GSE1: variants seen among roughly 807,000 people sequenced by gnomAD.
GSE1 encodes genetic suppressor element 1.
GSE1 carries 32 observed loss-of-function variants against 112.6 expected under a neutral mutation model. The observed-to-expected ratio is 0.28, with a 90% CI of 0.21 to 0.38. The LOEUF (loss-of-function observed/expected upper bound fraction) is 0.38. Ranked by LOEUF, GSE1 falls within the 10% of genes least tolerant of loss-of-function variation. The pLI, the probability that GSE1 is intolerant of heterozygous loss-of-function variation, is 1.00. For synonymous variants in GSE1, 1,115 were observed against 735.6 expected (o/e 1.52, Z -8.35); for missense variants, 2,348 against 1,699.2 (o/e 1.38, Z -6.71).
At chr16:85,308,605 C>T (rs1357075750) in intron 1 of GSE1, among the ~76,000 whole-genome samples, 1 of 152,008 alleles carries the variant, frequency 6.6e-6, no homozygotes, top group Non-Finnish European at 1.5e-5. Context: ...TAAAACTGAC[C>T]CCAGAAAGAT....
At chr16:85,665,407 C>A (rs978289367) in intron 12 of GSE1, among the ~76,000 whole-genome samples, 1 of 152,222 alleles carries the variant, frequency 6.6e-6, no homozygotes, top group Non-Finnish European at 1.5e-5. Flanking sequence ...CCTTCAGTTA[C>A]GGCACAGAGG....
At chr16:85,462,125 A>C (rs1215943696) in intron 2 of GSE1, among the ~76,000 whole-genome samples, 1 of 152,118 alleles carries the variant, frequency 6.6e-6, no homozygotes, top group Non-Finnish European at 1.5e-5. Context: ...CACCGGAGCT[A>C]CACACACCCT....
At chr16:85,514,426 TCC>T (rs576261000) in intron 2 of GSE1, among the ~76,000 whole-genome samples, 5,968 of 58,956 alleles carry the variant, frequency 0.1, 532 homozygotes, top group South Asian at 0.17. Context: ...TGCTCTCGAG[TCC>T]CCCCCCCCAC....
At chr16:85,356,573 A>T (rs1440305395) in intron 1 of GSE1, among the ~76,000 whole-genome samples, 1 of 152,246 alleles carries the variant, frequency 6.6e-6, no homozygotes, top group East Asian at 1.9e-4. Context: ...CAGGACGTGC[A>T]CCAAACCAGG....
At position 85,250,713 on chromosome 16, in the gene GSE1, A is replaced by T. The variant is rs1906376499; in HGVS notation, c.2283+78906A>T. Among the ~76,000 whole-genome samples, 4 of 152,292 alleles carry T rather than the reference A, an allele frequency of 2.6e-5. No homozygotes were observed. In the South Asian group the frequency reaches 8.3e-4, roughly 32 times the overall value. On this transcript the variant is annotated intron_variant, in intron 1 of 2. Transcript: ENST00000637419. ...TGCAAGCCACTGATTTAAAGTGTAG[A>T]GTTTAGTGGTTTTGAGGATATTCAC...
chr16:85,565,517 C>T (rs1449145345), intron 1 of GSE1, among the ~76,000 whole-genome samples: 1 of 152,214 alleles, frequency 6.6e-6, no homozygotes, highest in African/African-American at 2.4e-5. Context: ...AGAGCTGCAT[C>T]CTCGTGCAGT....
intron 1 of GSE1, among the ~76,000 whole-genome samples, chr16:85,281,044 A>G (rs959974045): frequency 1.3e-5 from 2 of 152,130 alleles, no homozygotes; most frequent in Non-Finnish European, 2.9e-5. Context: ...GAAGTTTGAG[A>G]TGAACGGCTC....
At chr16:85,207,553 C>T (rs1273095117) in intron 1 of GSE1, among the ~76,000 whole-genome samples, 1 of 84,908 alleles carries the variant, frequency 1.2e-5, no homozygotes, top group Non-Finnish European at 2.5e-5. Flanking sequence ...GCCCCAGCGG[C>T]AGGAGATCTT....
In GSE1 at chr16:85,656,428, A is replaced by C. The variant is rs778902148; in HGVS notation, c.1075A>C (p.Lys359Gln). Residue 359 changes from lysine (K) to glutamine (Q), a missense_variant, in exon 7 of 16, where the codon AAG becomes CAG. Physicochemically the swap from Lys to Gln is moderately conservative, Grantham distance 53 (BLOSUM62 1). Coordinates refer to ENST00000253458, the MANE Select transcript of GSE1 (RefSeq NM_014615.5). ...REREADREREKEREREREKER... is the reference protein window; with the variant it reads ...REREADREREQEREREREKER... The stretch of plus-strand genomic sequence containing the variant: ...GCGTGAGGCTGACCGCGAGCGGGAG[A>C]AGGAACGTGAGCGCGAACGCGAGAA... 6.4e-7 allele frequency: 1 copy of C among 1,566,470 alleles called. No individual in the cohort carries two copies. The highest frequency in any genetic ancestry group is 1.1e-5 in the South Asian group (1 of 87,116).
At chr16:85,527,112 C>T (rs944556055) in intron 2 of GSE1, among the ~76,000 whole-genome samples, 8 of 152,316 alleles carry the variant, frequency 5.3e-5, no homozygotes, top group Admixed American at 2.6e-4. Flanking sequence ...TGCGCCCCAC[C>T]TCCTCTGTCT....
chr16:85,632,432 C>A (rs2049617687), intron 1 of GSE1, among the ~76,000 whole-genome samples: 1 of 152,218 alleles, frequency 6.6e-6, no homozygotes, highest in Non-Finnish European at 1.5e-5. Flanking sequence ...TACGTCCCCT[C>A]TATCAGGAGA....
At chr16:85,642,096 C>A (rs1209580172) in intron 2 of GSE1, among the ~76,000 whole-genome samples, 1 of 152,254 alleles carries the variant, frequency 6.6e-6, no homozygotes, top group Non-Finnish European at 1.5e-5. Context: ...GCTCCAGAGT[C>A]ATGGCACGTG....
intron 2 of GSE1, among the ~76,000 whole-genome samples, chr16:85,395,886 C>T (rs568285478): frequency 3.3e-5 from 5 of 152,014 alleles, no homozygotes; most frequent in African/African-American, 9.7e-5. Context: ...AACCAGCCAG[C>T]GCCCCGCAGA....
intron 2 of GSE1, among the ~76,000 whole-genome samples, chr16:85,546,178 G>C: frequency 6.6e-6 from 1 of 152,228 alleles, no homozygotes; most frequent in Admixed American, 6.5e-5. Flanking sequence ...TCCGCCTCCC[G>C]GGTTCAAGCA....
chr16:85,368,178 G>A (rs559207558), intron 2 of GSE1, among the ~76,000 whole-genome samples: 16 of 152,290 alleles, frequency 1.1e-4, no homozygotes, highest in South Asian at 6.2e-4. Flanking sequence ...GAGGGTGCGC[G>A]TCTTCCCGAG....
At chr16:85,591,145 T>C (rs777984988) in intron 1 of GSE1, among the ~76,000 whole-genome samples, 1 of 152,128 alleles carries the variant, frequency 6.6e-6, no homozygotes, top group African/African-American at 2.4e-5. Context: ...AAAATTGGGG[T>C]CCTTCCCTGT....
intron 1 of GSE1, among the ~76,000 whole-genome samples, chr16:85,248,984 T>C (rs1309592744): frequency 6.6e-6 from 1 of 152,142 alleles, no homozygotes; most frequent in Admixed American, 6.5e-5. Flanking sequence ...AGTGAGGAAC[T>C]TGGGGCGGGG....
intron 1 of GSE1, among the ~76,000 whole-genome samples, chr16:85,179,764 T>A (rs187560829): frequency 8.3e-3 from 1,268 of 152,310 alleles, no homozygotes; most frequent in African/African-American, 0.028. Flanking sequence ...GGAGCTGTAC[T>A]AAGAATTGAG....
At chr16:85,514,596 C>G (rs1226861202) in intron 2 of GSE1, among the ~76,000 whole-genome samples, 2 of 152,226 alleles carry the variant, frequency 1.3e-5, no homozygotes, top group Non-Finnish European at 2.9e-5. Context: ...CCACTCTTCA[C>G]CCTGCTGGGC....
Sources: gnomAD v4.1 joint callset for allele counts (sites outside exome capture counted in the v4.1 genomes callset) on GRCh38, gnomAD v4.1.1 for gene constraint, MANE v1.5 for transcripts, NCBI Gene and HGNC (gene_info 2026-07-23, HGNC 2026-07-21) for gene names.